Variants in ZNG1E observed in about 807,000 individuals in gnomAD.
The protein encoded by ZNG1E is zinc-regulated GTPase metalloprotein activator 1E.
At chr9:65,664,083 A>G in the ZNG1E span, among the ~76,000 whole-genome samples, 1 of 152,218 alleles carries the variant, frequency 6.6e-6, no homozygotes, top group Non-Finnish European at 1.5e-5. Context: ...TTATGAACAA[A>G]TTGCTTCTTT....
At chr9:65,662,898 C>T in the ZNG1E span, among the ~76,000 whole-genome samples, 353 of 151,858 alleles carry the variant, frequency 2.3e-3, no homozygotes, top group Middle Eastern at 3.4e-3. Context: ...GTATAGGTCA[C>T]GATGTTATTT....
the ZNG1E span, among the ~76,000 whole-genome samples, chr9:65,680,716 CA>C: frequency 6.6e-6 from 1 of 152,190 alleles, no homozygotes; most frequent in Non-Finnish European, 1.5e-5. Flanking sequence ...TTATAGATAA[CA>C]AGCATTTCAA....
chr9:65,657,890 C>G, the ZNG1E span, among the ~76,000 whole-genome samples: 1 of 152,274 alleles, frequency 6.6e-6, no homozygotes, highest in Non-Finnish European at 1.5e-5. Context: ...CACCTGAGGT[C>G]GGGAGTTTGA....
the ZNG1E span, among the ~76,000 whole-genome samples, chr9:65,659,153 A>G: frequency 1.3e-5 from 2 of 152,186 alleles, no homozygotes; most frequent in Admixed American, 6.5e-5. Context: ...TCTCACCAGC[A>G]ATTTGGGAGA....
chr9:65,693,975 C>T, the ZNG1E span, among the ~76,000 whole-genome samples: 13 of 149,884 alleles, frequency 8.7e-5, no homozygotes, highest in South Asian at 2.1e-4. Flanking sequence ...TGGGCCTTCT[C>T]TCCCTCGTTG....
At chr9:65,710,552 C>T in the ZNG1E span, among the ~76,000 whole-genome samples, 74 of 152,098 alleles carry the variant, frequency 4.9e-4, no homozygotes, top group Admixed American at 2.6e-3. Context: ...GGAAGGGATC[C>T]GGTTTCAGCT....
chr9:65,668,586 A>T, the ZNG1E span, among the ~76,000 whole-genome samples: 7 of 147,818 alleles, frequency 4.7e-5, no homozygotes, highest in Non-Finnish European at 1.0e-4. Flanking sequence ...GCTGGAGTGC[A>T]GTGCAGTGAT....
the ZNG1E span, among the ~76,000 whole-genome samples, chr9:65,714,578 CTGTT>C: frequency 6.6e-6 from 1 of 151,848 alleles, no homozygotes; most frequent in Non-Finnish European, 1.5e-5. Flanking sequence ...GATGTCCTTT[CTGTT>C]TGTTAGTTTT....
the ZNG1E span, among the ~76,000 whole-genome samples, chr9:65,671,460 C>T: frequency 6.6e-6 from 1 of 151,942 alleles, no homozygotes; most frequent in Non-Finnish European, 1.5e-5. Flanking sequence ...GCTGGGACTA[C>T]AGGCGTGTGC....
At chr9:65,707,049 C>A in the ZNG1E span, 2 of 112,900 alleles carry the variant, frequency 1.8e-5, no homozygotes, top group Non-Finnish European at 3.6e-5. Context: ...CTCACTGTGT[C>A]CCCCAAGTTG....
the ZNG1E span, among the ~76,000 whole-genome samples, chr9:65,661,831 G>A: frequency 5.1e-4 from 77 of 152,224 alleles, no homozygotes; most frequent in African/African-American, 1.7e-3. Flanking sequence ...GGATTGGGAT[G>A]ATTGTGGCAC....
the ZNG1E span, among the ~76,000 whole-genome samples, chr9:65,681,218 G>T: frequency 6.8e-6 from 1 of 147,924 alleles, no homozygotes. Context: ...AGGTTGAAGG[G>T]CATACAGAAT....
chr9:65,714,879 G>T, the ZNG1E span, among the ~76,000 whole-genome samples: 1 of 152,096 alleles, frequency 6.6e-6, no homozygotes, highest in South Asian at 2.1e-4. Context: ...CCCAGAGGTG[G>T]AGCCTACAGA....
chr9:65,679,531 CA>C, the ZNG1E span: 2 of 710,564 alleles, frequency 2.8e-6, no homozygotes, highest in Non-Finnish European at 4.3e-6. Context: ...AAAATCTGGA[CA>C]TATGAAAAAA....
the ZNG1E span, among the ~76,000 whole-genome samples, chr9:65,664,767 G>A: frequency 6.6e-6 from 1 of 152,184 alleles, no homozygotes; most frequent in African/African-American, 2.4e-5. Context: ...CCTGTTGAAC[G>A]ACTTTGCCCA....
the ZNG1E span, among the ~76,000 whole-genome samples, chr9:65,687,658 C>T: frequency 1.3e-5 from 2 of 150,380 alleles, no homozygotes; most frequent in African/African-American, 4.8e-5. Context: ...GAATGTCTGT[C>T]TATTGCTTTC....
chr9:65,673,477 C>T, the ZNG1E span, among the ~76,000 whole-genome samples: 481 of 150,956 alleles, frequency 3.2e-3, no homozygotes, highest in Middle Eastern at 0.01. Flanking sequence ...TAATTTTTGG[C>T]CAATGTGTAA....
the ZNG1E span, among the ~76,000 whole-genome samples, chr9:65,665,248 T>A: frequency 6.6e-6 from 1 of 152,268 alleles, no homozygotes; most frequent in Non-Finnish European, 1.5e-5. Context: ...GCCCAGAGGT[T>A]TAGGAGGAAA....
At chr9:65,684,530 GTA>G in the ZNG1E span, among the ~76,000 whole-genome samples, 1 of 105,852 alleles carries the variant, frequency 9.4e-6, no homozygotes, top group African/African-American at 3.5e-5. Flanking sequence ...GAGCAAGACT[GTA>G]TACACACACA....
Sources: allele counts gnomAD v4.1 joint callset (sites outside exome capture counted in the v4.1 genomes callset), GRCh38; gene constraint gnomAD v4.1.1; transcripts MANE v1.5; gene names NCBI Gene and HGNC (gene_info 2026-07-23, HGNC 2026-07-21).